Variants in FAM118A observed in about 807,000 individuals in gnomAD.
FAM118A encodes the protein protein FAM118A.
Under a neutral mutation model 38.2 loss-of-function variants are expected in FAM118A, and 25 were observed. The observed-to-expected ratio is 0.65, with a 90% CI of 0.48 to 0.91. The LOEUF (loss-of-function observed/expected upper bound fraction) is 0.91, where lower values mean the gene tolerates loss of function less well. Ranked by LOEUF, FAM118A falls within the 40% of genes least tolerant of loss-of-function variation. FAM118A has a pLI of 0.00. For synonymous variants in FAM118A, 178 were observed against 184.1 expected, an observed-to-expected ratio of 0.97 and a Z score of 0.27; for missense variants, 425 against 463.3, an observed-to-expected ratio of 0.92 and a Z score of 0.76.
chr22:45,333,415 C>T (rs946430167), intron 6 of FAM118A, among the ~76,000 whole-genome samples: 1 of 152,042 alleles, frequency 6.6e-6, no homozygotes, highest in African/African-American at 2.4e-5. Context: ...TAGCTCACGC[C>T]TGTAATCCCA....
chr22:45,333,674 CAAAAAAAAA>C (rs541613789), intron 6 of FAM118A, among the ~76,000 whole-genome samples: 2 of 93,580 alleles, frequency 2.1e-5, no homozygotes, highest in Non-Finnish European at 2.4e-5. Flanking sequence ...ACTCTGTTTC[CAAAAAAAAA>C]AAAAAAAAAG....
intron 1 of FAM118A, chr22:45,322,076 C>T (rs1163029034): frequency 2.6e-6 from 2 of 784,150 alleles, no homozygotes; most frequent in Non-Finnish European, 3.8e-6. Context: ...AACCCCAGCT[C>T]GGAGCCCACA....
At chr22:45,316,221 T>C (rs2084599755) in intron 1 of FAM118A, among the ~76,000 whole-genome samples, 1 of 152,096 alleles carries the variant, frequency 6.6e-6, no homozygotes. Flanking sequence ...TGTATTTTTA[T>C]TAGAGACACG....
At position 45,323,261 on chromosome 22, in the gene FAM118A, G is replaced by A. The variant is rs746503511; in HGVS notation, c.134G>A (p.Gly45Glu). 8 of 1,614,194 alleles carry A rather than the reference G, an allele frequency of 5.0e-6. No individual in the cohort carries two copies. The highest frequency in any genetic ancestry group is 6.8e-6 in the Non-Finnish European group (8 of 1,180,016). The change falls in exon 3 of 9, where the codon GGA becomes GAA. Residue 45 changes from glycine (G) to glutamate (E), a missense_variant. Coordinates refer to ENST00000441876, the MANE Select transcript of FAM118A (RefSeq NM_017911.4). Reference protein sequence around the residue: ...GTGVSAAVAPGIPALCSWRSC... With the variant: ...GTGVSAAVAPEIPALCSWRSC... The stretch of plus-strand genomic sequence containing the variant: ...GGCGTCAGCGCAGCAGTGGCCCCCG[G>A]AATCCCTGCCCTTTGCTCGTGGAGA...
intron 8 of FAM118A, among the ~76,000 whole-genome samples, chr22:45,338,785 CATTT>C (rs1046261836): frequency 1.1e-4 from 16 of 152,358 alleles, no homozygotes; most frequent in African/African-American, 3.8e-4. Flanking sequence ...GTTACCTCTT[CATTT>C]AACATTTAAA....
chr22:45,336,532 T>C (rs1422294796), intron 8 of FAM118A, 121 bp downstream of exon 8: 6 of 710,878 alleles, frequency 8.4e-6, no homozygotes, highest in African/African-American at 1.8e-5. Flanking sequence ...GTGCATACGT[T>C]CTGTCAGGGC....
chr22:45,311,792 G>A (rs1472190563), intron 1 of FAM118A, among the ~76,000 whole-genome samples: 1 of 152,102 alleles, frequency 6.6e-6, no homozygotes, highest in Non-Finnish European at 1.5e-5. Context: ...GGGGGACTGT[G>A]GCTTTCTGGA....
In FAM118A at chr22:45,340,466, G is replaced by A. The variant is rs375088388; in HGVS notation, c.*61G>A. Reference sequence around the variant, plus strand: ...CCTTCTGTAACCACAGTGCCCAAACGAAGAGGAATGTATGGAGAACTCCAC... The same window carrying A: ...CCTTCTGTAACCACAGTGCCCAAACAAAGAGGAATGTATGGAGAACTCCAC... On this transcript the variant is annotated 3_prime_UTR_variant, in exon 9 of 9. Coordinates refer to ENST00000441876, the MANE Select transcript of FAM118A (RefSeq NM_017911.4). The A allele has an allele frequency of 3.7e-5, 59 of 1,577,352 alleles. No homozygotes were observed. The African/African-American group carries it at 5.1e-4, about 14-fold the overall frequency.
chr22:45,323,051 GT>G, intron 2 of FAM118A, 123 bp from the exon 3 acceptor site: 1 of 954,178 alleles, frequency 1.0e-6, no homozygotes, highest in Non-Finnish European at 1.6e-6. Flanking sequence ...CTGTGTGTGT[GT>G]GTGTGTGTGT....
chr22:45,335,960 G>A (rs529943623), intron 7 of FAM118A, among the ~76,000 whole-genome samples: 30 of 152,326 alleles, frequency 2.0e-4, no homozygotes, highest in African/African-American at 6.5e-4. Flanking sequence ...GGAGGCCTCT[G>A]TGCGCAGCCC....
At chr22:45,337,272 T>G (rs2086173190) in intron 8 of FAM118A, among the ~76,000 whole-genome samples, 1 of 152,200 alleles carries the variant, frequency 6.6e-6, no homozygotes, top group African/African-American at 2.4e-5. Context: ...ATTGTAAAAG[T>G]TGGCAAACAA....
intron 6 of FAM118A, among the ~76,000 whole-genome samples, chr22:45,333,144 G>A (rs1315936621): frequency 2.6e-5 from 4 of 152,038 alleles, no homozygotes; most frequent in Non-Finnish European, 4.4e-5. Context: ...ACCAGTCTTC[G>A]TTATTATTTT....
chr22:45,330,095 T>A (rs907990298), intron 4 of FAM118A, among the ~76,000 whole-genome samples: 1 of 152,236 alleles, frequency 6.6e-6, no homozygotes, highest in South Asian at 2.1e-4. Flanking sequence ...ATATAACATA[T>A]AACTTAGAAG....
chr22:45,332,750 T>C (rs202042629), intron 6 of FAM118A, 40 bp downstream of exon 6: 36 of 1,485,366 alleles, frequency 2.4e-5, no homozygotes, highest in Admixed American at 2.4e-4. Context: ...CTTTCTTTTT[T>C]CTTTTTTTTT....
At chr22:45,329,641 G>T (rs1355832057) in intron 4 of FAM118A, 1 of 152,352 alleles carries the variant, frequency 6.6e-6, no homozygotes, top group African/African-American at 2.4e-5. Context: ...CGGGGCACGG[G>T]GCAGTGTACA....
chr22:45,317,358 A>G (rs1305167326), intron 1 of FAM118A, among the ~76,000 whole-genome samples: 1 of 152,224 alleles, frequency 6.6e-6, no homozygotes, highest in Non-Finnish European at 1.5e-5. Context: ...TAGCCTAGGC[A>G]ACAAGAGTGA....
chr22:45,313,439 C>T (rs2084467225), intron 1 of FAM118A, among the ~76,000 whole-genome samples: 2 of 151,484 alleles, frequency 1.3e-5, no homozygotes, highest in Admixed American at 6.6e-5. Flanking sequence ...TCTCCTGCCT[C>T]AGCCTCCCAA....
At position 45,337,364 on chromosome 22, in the gene FAM118A, C is replaced by T. The variant is rs550873803; in HGVS notation, c.1054+953C>T. Among the ~76,000 whole-genome samples, 6 of 152,348 alleles carry T rather than the reference C, an allele frequency of 3.9e-5. No individual in the cohort carries two copies. In the East Asian group the frequency reaches 7.7e-4, roughly 20 times the overall value. On this transcript the variant is annotated intron_variant, in intron 8 of 8. Coordinates refer to ENST00000441876, the MANE Select transcript of FAM118A (RefSeq NM_017911.4). ...TGTTGTGTCTGTGGGCCCAGTGCCA[C>T]GCCGCCTGTGCCAGCTGCGGATGTG...
rs1199121633 is a variant in FAM118A, at chr22:45,330,490, A to G, written c.523-113A>G. On this transcript the variant is annotated intron_variant, in intron 4 of 8. Coordinates refer to ENST00000441876, the MANE Select transcript of FAM118A (RefSeq NM_017911.4). ...TAAGTGTAAAGTGAAGCATCTCTCG[A>G]TGATTCTTTCCAAGATAGGTTTAAA... The G allele has an allele frequency of 2.5e-6, 3 of 1,222,314 alleles. No individual in the cohort carries two copies. The African/African-American group carries it at 4.6e-5, about 19-fold the overall frequency. 75.7% of individuals were successfully genotyped at this position (1,222,314 alleles called of 1,614,324 possible).
Sources: allele counts gnomAD v4.1 joint callset (sites outside exome capture counted in the v4.1 genomes callset), GRCh38; gene constraint gnomAD v4.1.1; transcripts MANE v1.5; gene names NCBI Gene and HGNC (gene_info 2026-07-23, HGNC 2026-07-21).